FAM217A: variants seen among roughly 807,000 people sequenced by gnomAD.
The protein encoded by FAM217A is protein FAM217A.
Under a neutral mutation model 18.5 loss-of-function variants are expected in FAM217A, and 13 were observed. That is an observed-to-expected ratio of 0.70 (90% CI 0.46 to 1.12). The LOEUF is 1.12. Ranked by LOEUF, FAM217A falls within the 50% of genes most tolerant of loss-of-function variation. FAM217A has a pLI of 0.00. For synonymous variants in FAM217A, 161 were observed against 202.8 expected, an observed-to-expected ratio of 0.79 and a Z score of 1.75; for missense variants, 560 against 575.4, an observed-to-expected ratio of 0.97 and a Z score of 0.27.
chr6:4,080,813 C>G (rs1297223783), upstream of FAM217A, among the ~76,000 whole-genome samples: 1 of 152,004 alleles, frequency 6.6e-6, no homozygotes, highest in African/African-American at 2.4e-5. Flanking sequence ...TTTTTATCTC[C>G]TTTTCTTTTT....
rs1769204171 is a variant in FAM217A, at chr6:4,068,955, G to C, written c.1268C>G (p.Thr423Arg). Residue 423 changes from threonine to arginine, a missense_variant, in exon 7 of 7, where the codon ACA becomes AGA. Physicochemically the swap from Thr to Arg is moderately conservative, Grantham distance 71. Transcript: ENST00000274673. The stretch of plus-strand genomic sequence containing the variant: ...GACCATTTTAACCATTGATTGATTT[G>C]TATGGCCAATAGTAGGTTTGAATGA... ...ELSFKPTIGHTNQSMVKMVST... is the reference protein window; with the variant it reads ...ELSFKPTIGHRNQSMVKMVST... 1.9e-5 allele frequency: 30 copies of C among 1,614,110 alleles called. No individual in the cohort carries two copies. The highest frequency in any genetic ancestry group is 2.5e-5 in the Non-Finnish European group (30 of 1,179,996).
rs534649843 is a variant in FAM217A at position 4,069,698 on chromosome 6, G to A, written c.525C>T (p.Asn175=). 22 of 1,613,926 alleles carry A rather than the reference G, an allele frequency of 1.4e-5. No homozygotes were observed. Among genetic ancestry groups the A allele is most frequent in the Non-Finnish European group, 1.9e-5 (22 of 1,180,012 alleles). ...GAGCAGGTAATGTTTCACCATCATTGTTTTCTATAGTTGAACATGAACTAA... is the reference window on the plus strand; with the variant it reads ...GAGCAGGTAATGTTTCACCATCATTATTTTCTATAGTTGAACATGAACTAA... ...IHVSSCSTIE[N]NDGETLPAPN... Residue 175 remains asparagine (N), a synonymous_variant, in exon 7 of 7, where the codon AAC becomes AAT. Coordinates refer to ENST00000274673, the MANE Select transcript of FAM217A (RefSeq NM_173563.3).
At chr6:4,072,348 C>A (rs112346753) in intron 6 of FAM217A, among the ~76,000 whole-genome samples, 10,493 of 150,630 alleles carry the variant, frequency 0.07, 498 homozygotes, top group Middle Eastern at 0.23. Context: ...CACACACACA[C>A]AAAAAAAGAA....
chr6:4,079,433 CCGGGCCTTCT>C (rs1052986929), upstream of FAM217A: 33 of 343,600 alleles, frequency 9.6e-5, no homozygotes, highest in South Asian at 4.2e-4. Context: ...CCTGAGCCTC[CCGGGCCTTCT>C]CGGGCCTTCT....
At chr6:4,074,369 A>AG in intron 4 of FAM217A, 74 bp downstream of exon 4, 1 of 1,317,040 alleles carries the variant, frequency 7.6e-7, no homozygotes, top group Admixed American at 2.4e-5. Flanking sequence ...CAGGAAGAAA[A>AG]TTTTTTTAAA....
At chr6:4,079,420 A>C, upstream of FAM217A, 1 of 321,948 alleles carries the variant, frequency 3.1e-6, no homozygotes, top group South Asian at 2.4e-5. Flanking sequence ...CCTCGCGGGA[A>C]AGCCTGAGCC....
upstream of FAM217A, among the ~76,000 whole-genome samples, chr6:4,080,926 G>A (rs200863426): frequency 6.8e-6 from 1 of 146,114 alleles, no homozygotes; most frequent in African/African-American, 2.7e-5. Flanking sequence ...AAAAAAAAAG[G>A]AGAGAAAACA....
At chr6:4,073,553 C>A in intron 4 of FAM217A, 46 bp from the exon 5 acceptor site, 1 of 1,465,066 alleles carries the variant, frequency 6.8e-7, no homozygotes, top group Non-Finnish European at 9.5e-7. Context: ...TCTCTGTTCC[C>A]TATTCTTGTT....
upstream of FAM217A, among the ~76,000 whole-genome samples, chr6:4,079,910 C>T (rs1770162639): frequency 6.6e-6 from 1 of 151,094 alleles, no homozygotes; most frequent in Admixed American, 6.6e-5. Flanking sequence ...AATTTTGTAC[C>T]CCGAAATGCA....
rs1769219560 is a variant in FAM217A, at chr6:4,069,141, T to C, written c.1082A>G (p.Lys361Arg). ...CCGTTTTAAAGCATTTTGTTCAAGC[T>C]TACAAGAACCAGAGTTGTTTTTACT... ...EKSKNNSGSC[K>R]LEQNALKRNW... The change falls in exon 7 of 7, where the codon AAG becomes AGG. Residue 361 changes from lysine to arginine, a missense_variant. By Grantham distance (26) the Lys-to-Arg change is conservative. Transcript: ENST00000274673. The C allele has an allele frequency of 1.9e-6, 3 of 1,614,192 alleles. No homozygotes were observed. Among genetic ancestry groups the C allele is most frequent in the Non-Finnish European group, 2.5e-6 (3 of 1,180,018 alleles).
At chr6:4,071,687 TA>T (rs1449503736) in intron 6 of FAM217A, among the ~76,000 whole-genome samples, 7 of 152,174 alleles carry the variant, frequency 4.6e-5, no homozygotes, top group Non-Finnish European at 1.0e-4. Flanking sequence ...TTTTTTCTCA[TA>T]AAAATAGCCT....
intron 1 of FAM217A, among the ~76,000 whole-genome samples, chr6:4,078,160 T>C (rs1769981334): frequency 6.6e-6 from 1 of 151,436 alleles, no homozygotes; most frequent in African/African-American, 2.4e-5. Flanking sequence ...TTCAAGCGAT[T>C]CTCCTGCCTC....
chr6:4,084,127 T>C, upstream of FAM217A, among the ~76,000 whole-genome samples: 1 of 152,236 alleles, frequency 6.6e-6, no homozygotes, highest in East Asian at 1.9e-4. Flanking sequence ...TTAAATATAC[T>C]TTCTTGTGTT....
At chr6:4,083,451 C>T (rs1770431606), upstream of FAM217A, among the ~76,000 whole-genome samples, 1 of 152,142 alleles carries the variant, frequency 6.6e-6, no homozygotes, top group Non-Finnish European at 1.5e-5. Flanking sequence ...TTGATATTAC[C>T]CATGCATTTG....
At chr6:4,072,985 C>T (rs1192813246) in intron 6 of FAM217A, among the ~76,000 whole-genome samples, 1 of 152,176 alleles carries the variant, frequency 6.6e-6, no homozygotes, top group Admixed American at 6.5e-5. Flanking sequence ...GAATGCAATA[C>T]TACTTTCCTA....
chr6:4,082,481 T>C (rs1581903860), upstream of FAM217A, among the ~76,000 whole-genome samples: 1 of 152,182 alleles, frequency 6.6e-6, no homozygotes, highest in Non-Finnish European at 1.5e-5. Context: ...ATCAGAATGC[T>C]TTTTTCCCAA....
upstream of FAM217A, chr6:4,079,816 C>A: frequency 2.9e-6 from 1 of 343,224 alleles, no homozygotes; most frequent in Non-Finnish European, 4.7e-6. Context: ...AGTTTCAGGT[C>A]CGTCGTCGGC....
chr6:4,079,684 C>G (rs1468726684), upstream of FAM217A: 2 of 1,281,784 alleles, frequency 1.6e-6, no homozygotes, highest in African/African-American at 1.5e-5. Context: ...CCGCCCGGTA[C>G]GTAGTCCTCC....
chr6:4,082,227 T>C (rs113268043), upstream of FAM217A, among the ~76,000 whole-genome samples: 24 of 152,326 alleles, frequency 1.6e-4, 1 homozygote, highest in African/African-American at 5.1e-4. Flanking sequence ...CGTAGGAGGT[T>C]GGACAGTGGG....
Sources: allele counts gnomAD v4.1 joint callset (sites outside exome capture counted in the v4.1 genomes callset), GRCh38; gene constraint gnomAD v4.1.1; transcripts MANE v1.5; gene names NCBI Gene and HGNC (gene_info 2026-07-23, HGNC 2026-07-21).